TMC5: variants seen among roughly 807,000 people sequenced by gnomAD.
TMC5 encodes transmembrane channel like 5, also known as transmembrane channel-like protein 5.
In TMC5, 86 loss-of-function variants were observed where a neutral mutation model predicts 110.5. The observed-to-expected ratio is 0.78, with a 90% confidence interval of 0.65 to 0.93. TMC5 has a LOEUF of 0.93. Ranked by LOEUF, TMC5 falls within the 40% of genes least tolerant of loss-of-function variation. The probability of loss-of-function intolerance (pLI) is 0.00; values close to 1 mark genes in which losing one functional copy is unlikely to be tolerated. For missense variants in TMC5, 1,144 were observed against 1,222.8 expected, an observed-to-expected ratio of 0.94 and a Z score of 0.96; for synonymous variants, 455 against 439.5, an observed-to-expected ratio of 1.04 and a Z score of -0.44.
chr16:19,465,494 A>T (rs1265156328), intron 8 of TMC5, among the ~76,000 whole-genome samples: 2 of 152,080 alleles, frequency 1.3e-5, no homozygotes, highest in Non-Finnish European at 2.9e-5. Flanking sequence ...TTGCCATTGC[A>T]CTCCAGCCTG....
intron 5 of TMC5, among the ~76,000 whole-genome samples, chr16:19,455,737 A>G (rs7200688): frequency 0.99 from 151,128 of 152,278 alleles, 74,999 homozygotes; most frequent in East Asian, 1. Context: ...AACACTGGGA[A>G]ACTTTGAGCA....
intron 5 of TMC5, among the ~76,000 whole-genome samples, chr16:19,457,825 G>C (rs1967925119): frequency 7.1e-6 from 1 of 141,268 alleles, no homozygotes; most frequent in Non-Finnish European, 1.5e-5. Context: ...CCAGGTTTAA[G>C]TGATTCTCAT....
intron 15 of TMC5, 65 bp downstream of exon 15, chr16:19,481,530 T>A: frequency 1.7e-6 from 2 of 1,190,018 alleles, no homozygotes; most frequent in African/African-American, 1.5e-5. Flanking sequence ...GGTGTTTTGG[T>A]GGCAAAGTCC....
At chr16:19,418,257 G>A (rs961055105) in intron 1 of TMC5, among the ~76,000 whole-genome samples, 165 bp downstream of exon 1, 3 of 152,318 alleles carry the variant, frequency 2.0e-5, no homozygotes, top group African/African-American at 4.8e-5. Context: ...AGGAAAGAAT[G>A]ACCAGGGGAA....
intron 4 of TMC5, among the ~76,000 whole-genome samples, chr16:19,447,898 C>CTAAG (rs10636294): frequency 0.65 from 97,723 of 150,020 alleles, 33,438 homozygotes; most frequent in South Asian, 0.86. Context: ...CTCAGAGATG[C>CTAAG]TAAGACACAC....
intron 3 of TMC5, among the ~76,000 whole-genome samples, chr16:19,443,391 T>G (rs1567304664): frequency 6.6e-6 from 1 of 152,190 alleles, no homozygotes; most frequent in Non-Finnish European, 1.5e-5. Flanking sequence ...TGAATGTGTC[T>G]TCTCAATCCC....
intron 10 of TMC5, among the ~76,000 whole-genome samples, chr16:19,470,875 A>G (rs998178925): frequency 1.3e-5 from 2 of 151,808 alleles, no homozygotes; most frequent in African/African-American, 4.8e-5. Context: ...CTACTAAAAA[A>G]AGGACAAAAA....
intron 5 of TMC5, among the ~76,000 whole-genome samples, chr16:19,456,216 A>AT (rs1443172182): frequency 0.071 from 10,557 of 148,650 alleles, 949 homozygotes; most frequent in African/African-American, 0.21. Flanking sequence ...CAAAAAAAAA[A>AT]ATATATATAT....
At chr16:19,460,211 A>T (rs1427135536) in intron 5 of TMC5, 24 bp from the exon 6 acceptor site, 2 of 1,564,244 alleles carry the variant, frequency 1.3e-6, no homozygotes, top group Non-Finnish European at 1.8e-6. Flanking sequence ...AAAAGAAATT[A>T]AATTCCATTA....
chr16:19,465,001 GTCTTTCTTTCTTTCTTTCTT>G (rs71375641), intron 8 of TMC5, among the ~76,000 whole-genome samples: 3,612 of 73,044 alleles, frequency 0.049, 192 homozygotes, highest in South Asian at 0.2. Context: ...CTTTCCTTTT[GTCTTTCTTTCTTTCTTTCTT>G]TCTTTCTTTC....
At chr16:19,446,885 C>A (rs1480181930) in intron 4 of TMC5, among the ~76,000 whole-genome samples, 2 of 152,162 alleles carry the variant, frequency 1.3e-5, no homozygotes, top group Non-Finnish European at 2.9e-5. Flanking sequence ...TCCAGTGTCA[C>A]CCCATCCTGA....
chr16:19,492,941 TA>T (rs1555486844), intron 19 of TMC5, among the ~76,000 whole-genome samples: 28 of 112,162 alleles, frequency 2.5e-4, no homozygotes, highest in South Asian at 1.1e-3. Flanking sequence ...TATCTCTCTA[TA>T]AGATAAATAC....
chr16:19,451,441 C>G (rs967972224), intron 5 of TMC5, among the ~76,000 whole-genome samples: 1 of 152,130 alleles, frequency 6.6e-6, no homozygotes, highest in African/African-American at 2.4e-5. Context: ...CACTGGGGCA[C>G]AGAATGGCTT....
At chr16:19,443,872 GATGA>G (rs890912168) in intron 3 of TMC5, among the ~76,000 whole-genome samples, 3 of 151,772 alleles carry the variant, frequency 2.0e-5, no homozygotes, top group Non-Finnish European at 4.4e-5. Flanking sequence ...TCAATGGATG[GATGA>G]ATGGATGGAT....
chr16:19,474,207 T>C lies in TMC5; in HGVS notation c.2021T>C (p.Ile674Thr), dbSNP rs1362919441. Residue 674 changes from isoleucine (I) to threonine (T), a missense_variant, in exon 12 of 22, where the codon ATC becomes ACC. Physicochemically the swap from Ile to Thr is moderately conservative, Grantham distance 89 (BLOSUM62 -1). Transcript: ENST00000542583. Reference sequence around the variant, plus strand: ...TGCATTAATCTGGCCGTGCCATGCATCTACTCCATGTTCAGGCTTGTGGAG... The same window carrying C: ...TGCATTAATCTGGCCGTGCCATGCACCTACTCCATGTTCAGGCTTGTGGAG... The part of the protein sequence containing the change: ...VSCINLAVPC[I>T]YSMFRLVERY... The C allele has an allele frequency of 1.2e-6, 2 of 1,614,004 alleles. No individual in the cohort carries two copies. Among genetic ancestry groups the C allele is most frequent in the Non-Finnish European group, 1.7e-6 (2 of 1,180,024 alleles).
rs529185536 is a variant in TMC5 at position 19,469,532 on chromosome 16, G to A, written c.1638-149G>A. 2.0e-5 allele frequency: 18 copies of A among 914,290 alleles called. No homozygotes were observed. The African/African-American group carries it at 2.3e-4, about 12-fold the overall frequency. The allele number at this position is 914,290 out of a possible 1,614,324, so 56.6% of individuals were successfully genotyped here. On this transcript the variant is annotated intron_variant, in intron 9 of 21. Coordinates refer to ENST00000542583, the MANE Select transcript of TMC5 (RefSeq NM_001261841.2). ...ACCAGTGCTTGTTTAACCACTGTGT[G>A]GTGACCACACCGCTCCAGGCCAACA...
intron 21 of TMC5, 30 bp downstream of exon 21, chr16:19,497,193 C>A: frequency 6.2e-7 from 1 of 1,600,720 alleles, no homozygotes; most frequent in Non-Finnish European, 8.6e-7. Flanking sequence ...CAGAATAAGA[C>A]ACTAATTTAT....
rs954114223 is a variant in TMC5, at chr16:19,496,867, G to A, written c.2932-254G>A. On this transcript the variant is annotated intron_variant, in intron 20 of 21. Transcript: ENST00000542583. Reference sequence around the variant, plus strand: ...ATCATGCCATTCCACTCCAGTCTAGGAGATAAAGCAAGACTCTGTCAAAAA... The same window carrying A: ...ATCATGCCATTCCACTCCAGTCTAGAAGATAAAGCAAGACTCTGTCAAAAA... Among the ~76,000 whole-genome samples the A allele has an allele frequency of 3.9e-5, 5 of 128,804 alleles. No homozygotes were observed. The South Asian group carries it at 1.0e-3, about 26-fold the overall frequency. 84.5% of individuals were successfully genotyped at this position (128,804 alleles called of 152,430 possible). A position where few individuals can be genotyped will look rare whatever the true frequency, so the allele number is the denominator to read the frequency against.
intron 3 of TMC5, among the ~76,000 whole-genome samples, chr16:19,443,169 A>T (rs1006910820): frequency 6.6e-6 from 1 of 152,172 alleles, no homozygotes; most frequent in Non-Finnish European, 1.5e-5. Flanking sequence ...TATCTGGGGA[A>T]CTTTAAAAAT....
Sources: allele counts gnomAD v4.1 joint callset (sites outside exome capture counted in the v4.1 genomes callset), GRCh38; gene constraint gnomAD v4.1.1; transcripts MANE v1.5; gene names NCBI Gene and HGNC (gene_info 2026-07-23, HGNC 2026-07-21).